The following LDHB variants were observed in gnomAD, a reference collection of about 807,000 sequenced individuals.
The protein encoded by LDHB is lactate dehydrogenase B, also known as L-lactate dehydrogenase B chain.
LDHB carries 18 observed loss-of-function variants against 33.4 expected under a neutral mutation model. That is an observed-to-expected ratio of 0.54 (90% CI 0.37 to 0.80). LDHB has a LOEUF of 0.80. Among genes scored for constraint, LDHB ranks in the 30% least tolerant of loss-of-function variants. The pLI is 0.00. For synonymous variants in LDHB, 121 were observed against 140.6 expected (o/e 0.86, Z 0.98); for missense variants, 345 against 407.9 (o/e 0.85, Z 1.33).
rs1040803083 is a variant in LDHB at position 21,648,537 on chromosome 12, G to GC, written c.130-1522_130-1521insG. Among the ~76,000 whole-genome samples, 5 of 151,802 alleles carry GC rather than the reference G, an allele frequency of 3.3e-5. No homozygotes were observed. The South Asian group carries it at 6.3e-4, about 19-fold the overall frequency. ...GCTACACAGGTGAAGGGTATTAATG[G>GC]GGGGGAGGGGCCAGGTAGGTAGGTA... On this transcript the variant is annotated intron_variant, in intron 2 of 7. Transcript: ENST00000350669.
At chr12:21,646,798 C>T in intron 3 of LDHB, 101 bp downstream of exon 3, 2 of 771,714 alleles carry the variant, frequency 2.6e-6, no homozygotes, top group East Asian at 2.4e-5. Flanking sequence ...TTCAACCTTT[C>T]CTACTTACAA....
chr12:21,636,642 T>TA (rs1044646531), intron 7 of LDHB, among the ~76,000 whole-genome samples: 1 of 152,138 alleles, frequency 6.6e-6, no homozygotes, highest in Admixed American at 6.5e-5. Flanking sequence ...TAGTTTTGTT[T>TA]AAAAAATCAT....
Position 21,640,153 on chromosome 12 carries a change from TA to T in LDHB, c.596-1684del, listed in dbSNP as rs940166314. Among the ~76,000 whole-genome samples, 155 of 14,756 alleles carry T rather than the reference TA, an allele frequency of 0.011. No individual in the cohort carries two copies. The South Asian group carries it at 0.47, about 45-fold the overall frequency. 9.7% of individuals were successfully genotyped at this position (14,756 alleles called of 152,430 possible). A position where few individuals can be genotyped will look rare whatever the true frequency, so the allele number is the denominator to read the frequency against. On this transcript the variant is annotated intron_variant, in intron 5 of 7. Coordinates refer to ENST00000350669, the MANE Select transcript of LDHB (RefSeq NM_002300.8). ...TAGTTTCAATATTGGATTATTTTAT[TA>T]TTTTTTTTTGCCATGAGCTTATTCA... is the stretch of plus-strand genomic sequence containing the variant.
At chr12:21,655,232 C>G (rs1181113628) in intron 1 of LDHB, among the ~76,000 whole-genome samples, 1 of 152,174 alleles carries the variant, frequency 6.6e-6, no homozygotes, top group Admixed American at 6.6e-5. Context: ...GCCTATGATT[C>G]CATGTGAGTA....
intron 3 of LDHB, 28 bp downstream of exon 3, chr12:21,646,871 G>T (rs1008288865): frequency 3.9e-6 from 5 of 1,287,758 alleles, no homozygotes; most frequent in Non-Finnish European, 4.5e-6. Context: ...AAAAATATTA[G>T]ATCACTTTGG....
chr12:21,650,147 CACACG>C (rs1565629887), intron 2 of LDHB, among the ~76,000 whole-genome samples: 39 of 145,460 alleles, frequency 2.7e-4, no homozygotes, highest in African/African-American at 1.0e-3. Flanking sequence ...CACACACACA[CACACG>C]TCTCTCTCTC....
At chr12:21,654,377 G>A (rs1938778342) in intron 2 of LDHB, 166 bp downstream of exon 2, 14 of 649,404 alleles carry the variant, frequency 2.2e-5, no homozygotes, top group Admixed American at 5.1e-5. Flanking sequence ...TCTTTTAGGA[G>A]ATACATGCTT....
Position 21,642,130 on chromosome 12 carries a change from A to C in LDHB, c.422-5T>G. 6.2e-7 allele frequency: 1 copy of C among 1,610,934 alleles called. No individual in the cohort carries two copies. The highest frequency in any genetic ancestry group is 1.1e-5 in the South Asian group (1 of 91,030). On this transcript the variant is annotated splice_region_variant and splice_polypyrimidine_tract_variant and intron_variant, in intron 4 of 7. Coordinates refer to ENST00000350669, the MANE Select transcript of LDHB (RefSeq NM_002300.8). ...TAACATACGTAAGAATGTCCACTAA[A>C]AATTTTGGAAATAATATATGTAAGT... is the stretch of plus-strand genomic sequence containing the variant.
At chr12:21,650,458 T>C (rs1013735285) in intron 2 of LDHB, among the ~76,000 whole-genome samples, 15 of 152,230 alleles carry the variant, frequency 9.9e-5, no homozygotes, top group African/African-American at 3.4e-4. Context: ...AGCTTTGTTA[T>C]ATACTGTGTT....
At chr12:21,654,420 C>A in intron 2 of LDHB, 123 bp downstream of exon 2, 1 of 894,794 alleles carries the variant, frequency 1.1e-6, no homozygotes, top group Middle Eastern at 3.3e-4. Flanking sequence ...ATTACATCTA[C>A]AACTTCAAAT....
chr12:21,657,722 A>T (rs1394540252), intron 1 of LDHB, 29 bp downstream of exon 1: 2 of 152,452 alleles, frequency 1.3e-5, no homozygotes, highest in Non-Finnish European at 2.9e-5. Flanking sequence ...CCTGTGGGCC[A>T]GGATTCAGGG....
intron 5 of LDHB, among the ~76,000 whole-genome samples, chr12:21,640,786 G>A (rs933740300): frequency 9.2e-5 from 14 of 151,906 alleles, no homozygotes; most frequent in African/African-American, 1.2e-4. Flanking sequence ...TTCAAAATGA[G>A]GCTGGTGCAA....
chr12:21,650,830 A>G (rs902223644), intron 2 of LDHB, among the ~76,000 whole-genome samples: 1 of 152,222 alleles, frequency 6.6e-6, no homozygotes, highest in Admixed American at 6.5e-5. Flanking sequence ...CTCTGCTGCC[A>G]TGGAACATAT....
At position 21,651,704 on chromosome 12, in the gene LDHB, T is replaced by C. The variant is rs150060158; in HGVS notation, c.129+2839A>G. Among the ~76,000 whole-genome samples, 115 of 152,372 alleles carry C rather than the reference T, an allele frequency of 7.5e-4. 1 individual carries two copies. Among genetic ancestry groups the C allele is most frequent in the Non-Finnish European group, 1.8e-4 (12 of 68,034 alleles). On this transcript the variant is annotated intron_variant, in intron 2 of 7. Coordinates refer to ENST00000350669, the MANE Select transcript of LDHB (RefSeq NM_002300.8). Reference sequence around the variant, plus strand: ...ATATACAAACACCAACATGCAGTTATATTCCTTTCTCTATTAAGCTAGTGG... The same window carrying C: ...ATATACAAACACCAACATGCAGTTACATTCCTTTCTCTATTAAGCTAGTGG...
In LDHB at chr12:21,635,423, C is replaced by A; in HGVS notation, c.*119G>T. The A allele has an allele frequency of 1.2e-6, 1 of 853,972 alleles. No homozygotes were observed. Among genetic ancestry groups the A allele is most frequent in the Non-Finnish European group, 2.0e-6 (1 of 500,456 alleles). The allele number at this position is 853,972 out of a possible 1,614,324, so 52.9% of individuals were successfully genotyped here. A position where few individuals can be genotyped will look rare whatever the true frequency, so the allele number is the denominator to read the frequency against. ...AAGCATAGGCTTTGATTCTGTGAGC[C>A]CAAATTCACATATTGAAGAAGATCA... On this transcript the variant is annotated 3_prime_UTR_variant, in exon 8 of 8. Transcript: ENST00000350669.
At chr12:21,649,257 G>C (rs1591833647) in intron 2 of LDHB, among the ~76,000 whole-genome samples, 1 of 152,264 alleles carries the variant, frequency 6.6e-6, no homozygotes, top group East Asian at 1.9e-4. Context: ...GTTTCAGTGG[G>C]TGTAGAGAAT....
At chr12:21,651,858 T>C (rs542876012) in intron 2 of LDHB, among the ~76,000 whole-genome samples, 2 of 152,374 alleles carry the variant, frequency 1.3e-5, no homozygotes, top group East Asian at 3.9e-4. Flanking sequence ...TTCCTGCATT[T>C]ATTTTTTCAA....
At chr12:21,653,147 G>C (rs1456448806) in intron 2 of LDHB, among the ~76,000 whole-genome samples, 1 of 152,144 alleles carries the variant, frequency 6.6e-6, no homozygotes, top group Non-Finnish European at 1.5e-5. Context: ...GCTTAACTGT[G>C]GTTTGAACTA....
intron 6 of LDHB, 83 bp downstream of exon 6, chr12:21,638,270 G>T: frequency 1.2e-6 from 1 of 819,602 alleles, no homozygotes; most frequent in Non-Finnish European, 2.2e-6. Context: ...GTTTATCTGA[G>T]CAGACAGCCA....
Sources: allele counts gnomAD v4.1 joint callset (sites outside exome capture counted in the v4.1 genomes callset), GRCh38; gene constraint gnomAD v4.1.1; transcripts MANE v1.5; gene names NCBI Gene and HGNC (gene_info 2026-07-23, HGNC 2026-07-21).